RGS11: variants seen among roughly 807,000 people sequenced by gnomAD.
RGS11 encodes the protein regulator of G protein signaling 11, also known as regulator of G-protein signaling 11.
In RGS11, 86 loss-of-function variants were observed where a neutral mutation model predicts 71.1. That is an observed-to-expected ratio of 1.21 (90% CI 1.02 to 1.45). RGS11 has a LOEUF of 1.45. Ranked by LOEUF, RGS11 falls within the 40% of genes most tolerant of loss-of-function variation. The pLI, the probability that RGS11 is intolerant of heterozygous loss-of-function variation, is 0.00. For missense variants in RGS11, 734 were observed against 635.1 expected (o/e 1.16, Z -1.67); for synonymous variants, 298 against 254.2 (o/e 1.17, Z -1.64).
intron 15 of RGS11, among the ~76,000 whole-genome samples, chr16:270,246 T>TCAAAA (rs1253895346): frequency 3.6e-5 from 5 of 140,292 alleles, no homozygotes; most frequent in Admixed American, 1.4e-4. Context: ...GAGACTCGCC[T>TCAAAA]CAAAACAAAA....
intron 9 of RGS11, 56 bp downstream of exon 9, chr16:272,807 A>G: frequency 6.5e-7 from 1 of 1,536,982 alleles, no homozygotes. Flanking sequence ...TGCGTCCAGC[A>G]GGGTGCAGCC....
chr16:270,936 G>A (rs2051903946), intron 13 of RGS11, 48 bp downstream of exon 13: 1 of 1,564,216 alleles, frequency 6.4e-7, no homozygotes, highest in Non-Finnish European at 8.8e-7. Flanking sequence ...GGGGTCCCAG[G>A]CAGCAGCCTC....
chr16:270,891 G>A, intron 13 of RGS11, 60 bp from the exon 14 acceptor site: 1 of 1,583,376 alleles, frequency 6.3e-7, no homozygotes, highest in South Asian at 1.1e-5. Context: ...GGCCGGTGGG[G>A]GGTTCCCAGG....
chr16:271,160 C>A (rs746519575), intron 12 of RGS11, 42 bp downstream of exon 12: 1 of 1,607,202 alleles, frequency 6.2e-7, no homozygotes, highest in Admixed American at 1.7e-5. Flanking sequence ...TCCCCCCAGG[C>A]TGGGAGCACA....
At chr16:274,674 C>G (rs1447405559) in intron 4 of RGS11, 2 of 667,736 alleles carry the variant, frequency 3.0e-6, no homozygotes, top group Non-Finnish European at 5.5e-6. Context: ...CCCTCAGGAC[C>G]TGGGCCTAGG....
chr16:270,653 A>G lies in RGS11; in HGVS notation c.1076T>C (p.Leu359Pro), dbSNP rs2051886785. 1 of 1,610,108 alleles carries G rather than the reference A, an allele frequency of 6.2e-7. No individual in the cohort carries two copies. The highest frequency in any genetic ancestry group is 8.5e-7 in the Non-Finnish European group (1 of 1,178,902). The stretch of plus-strand genomic sequence containing the variant: ...GACCCAGTGGGCAGCTCCGGGGGCC[A>G]GGAACTGCCTAGGGGTGGGGACAGC... The part of the protein sequence containing the change: ...TLVDAVYEQF[L>P]APGAAHWVNI... Residue 359 changes from leucine (L) to proline (P), a missense_variant, in exon 15 of 17, where the codon CTG becomes CCG. Physicochemically the swap from Leu to Pro is moderately conservative, Grantham distance 98 (BLOSUM62 -3). Transcript: ENST00000397770.
At position 268,698 on chromosome 16, in the gene RGS11, G is replaced by A. The variant is rs1427598031; in HGVS notation, c.*571C>T. On this transcript the variant is annotated 3_prime_UTR_variant, in exon 17 of 17. Transcript: ENST00000397770. ...ACAAATTCTGGAACGCGTTTGGCGAGGGAGGAATAGGCGCAGCTCCGGAAG... is the reference window on the plus strand; with the variant it reads ...ACAAATTCTGGAACGCGTTTGGCGAAGGAGGAATAGGCGCAGCTCCGGAAG... The A allele has an allele frequency of 1.2e-5, 17 of 1,454,204 alleles. No individual in the cohort carries two copies. The highest frequency in any genetic ancestry group is 1.5e-5 in the Non-Finnish European group (16 of 1,071,808). The allele number at this position is 1,454,204 out of a possible 1,614,324, so 90.1% of individuals were successfully genotyped here. A position where few individuals can be genotyped will look rare whatever the true frequency, so the allele number is the denominator to read the frequency against.
Position 275,287 on chromosome 16 carries a change from C to A in RGS11, c.207G>T (p.Glu69Asp), listed in dbSNP as rs749480815. 1.2e-6 allele frequency: 2 copies of A among 1,612,532 alleles called. No homozygotes were observed. The highest frequency in any genetic ancestry group is 2.7e-5 in the African/African-American group (2 of 74,946). ...AGTGGGAGGCAGGGCGCTCACCCTCCTCCGAGACGCAGAACTTCTGGGCCA... is the reference window on the plus strand; with the variant it reads ...AGTGGGAGGCAGGGCGCTCACCCTCATCCGAGACGCAGAACTTCTGGGCCA... ...QWLAQKFCVS[E>D]EEALHLGAVL... Residue 69 changes from glutamate (E) to aspartate (D), a missense_variant, in exon 3 of 17, where the codon GAG becomes GAT. Physicochemically the swap from Glu to Asp is conservative, Grantham distance 45 (BLOSUM62 2). Coordinates refer to ENST00000397770, the MANE Select transcript of RGS11 (RefSeq NM_183337.3).
At position 271,416 on chromosome 16, in the gene RGS11, G is replaced by T. The variant is rs768537401; in HGVS notation, c.732C>A (p.Ser244=). Residue 244 remains serine (S), a synonymous_variant, in exon 11 of 17, where the codon TCC becomes TCA. Transcript: ENST00000397770. Reference sequence around the variant, plus strand: ...CCACTCACGCCTCAAGGCAGACGGAGGACTTCACTCGGGTCCTGCCCAGCG... The same window carrying T: ...CCACTCACGCCTCAAGGCAGACGGATGACTTCACTCGGGTCCTGCCCAGCG... The part of the protein sequence containing the change: ...RKALGRTRVK[S]SVCLEAYLSF... The T allele has an allele frequency of 6.2e-7, 1 of 1,613,764 alleles. No individual in the cohort carries two copies. Among genetic ancestry groups the T allele is most frequent in the Non-Finnish European group, 8.5e-7 (1 of 1,180,006 alleles).
chr16:272,179 C>T (rs76588004), intron 9 of RGS11: 17 of 1,154,006 alleles, frequency 1.5e-5, no homozygotes, highest in Middle Eastern at 2.9e-4. Flanking sequence ...TGTTTTTAAA[C>T]AACACATACT....
Position 271,051 on chromosome 16 carries a change from G to A in RGS11, c.912C>T (p.Phe304=). The A allele has an allele frequency of 1.2e-6, 2 of 1,612,520 alleles. No individual in the cohort carries two copies. The highest frequency in any genetic ancestry group is 2.2e-5 in the East Asian group (1 of 44,858). ...CCACGGGGTCCTCCAGGAGCTCCCG[G>A]AAGCTGAAGCCCCATCTCTCCACAC... ...KLRVERWGFS[F]RELLEDPVGR... is the part of the protein sequence containing the mutation. The change falls in exon 13 of 17, where the codon TTC becomes TTT. Residue 304 remains phenylalanine, a synonymous_variant. Transcript: ENST00000397770.
intron 15 of RGS11, 87 bp from the exon 16 acceptor site, chr16:269,672 G>A: frequency 9.4e-7 from 1 of 1,069,100 alleles, no homozygotes; most frequent in Non-Finnish European, 1.4e-6. Flanking sequence ...AACATTGCTG[G>A]AGCCTCCTCC....
Position 275,320 on chromosome 16 carries a change from C to G in RGS11, c.174G>C (p.Val58=), listed in dbSNP as rs1434728402. 1 of 1,612,538 alleles carries G rather than the reference C, an allele frequency of 6.2e-7. No individual in the cohort carries two copies. Among genetic ancestry groups the G allele is most frequent in the African/African-American group, 1.3e-5 (1 of 75,062 alleles). Reference sequence around the variant, plus strand: ...CGCAGAACTTCTGGGCCAACCACTGCACGACGTCGCTGCCTGCACGGGAGA... The same window carrying G: ...CGCAGAACTTCTGGGCCAACCACTGGACGACGTCGCTGCCTGCACGGGAGA... ...IPHAVTGSDV[V]QWLAQKFCVS... is the part of the protein sequence containing the mutation. The change falls in exon 3 of 17, where the codon GTG becomes GTC. Residue 58 remains valine (V), a synonymous_variant. Coordinates refer to ENST00000397770, the MANE Select transcript of RGS11 (RefSeq NM_183337.3).
At position 271,245 on chromosome 16, in the gene RGS11, A is replaced by G; in HGVS notation, c.820T>C (p.Trp274Arg). The G allele has an allele frequency of 6.2e-7, 1 of 1,612,956 alleles. No homozygotes were observed. Among genetic ancestry groups the G allele is most frequent in the Non-Finnish European group, 8.5e-7 (1 of 1,179,980 alleles). Residue 274 changes from tryptophan to arginine, a missense_variant, in exon 12 of 17, where the codon TGG becomes CGG. Trp to Arg is a moderately radical substitution (Grantham distance 101, BLOSUM62 -3). Coordinates refer to ENST00000397770, the MANE Select transcript of RGS11 (RefSeq NM_183337.3). ...CAGTAGGCGTCATTGTCTGAGATCC[A>G]GGGATTGCTGGGCAGGCACCCCGAC... The part of the protein sequence containing the change: ...LVSGCLPSNP[W>R]ISDNDAYWVM...
intron 9 of RGS11, chr16:272,622 C>G (rs562366140): frequency 6.3e-5 from 91 of 1,451,266 alleles, no homozygotes; most frequent in Non-Finnish European, 8.2e-5. Flanking sequence ...CCAGCCCCCT[C>G]GTCCCCACCA....
intron 9 of RGS11, chr16:272,419 T>C (rs1412489940): frequency 7.7e-7 from 1 of 1,299,210 alleles, no homozygotes; most frequent in Admixed American, 2.3e-5. Flanking sequence ...TGGGACTGGT[T>C]TGAACAAAGG....
chr16:274,544 A>G (rs1271010424), intron 4 of RGS11: 3 of 592,520 alleles, frequency 5.1e-6, no homozygotes, highest in Non-Finnish European at 9.1e-6. Flanking sequence ...GGGCCTGCAC[A>G]AGTCTTGGAT....
chr16:269,095 C>A lies in RGS11; in HGVS notation c.*174G>T. ...ACCCATTCCTTCTGGGCAGGGAGGGCTTGCTGGAGGGAGGGAGGCTGTGCA... is the reference window on the plus strand; with the variant it reads ...ACCCATTCCTTCTGGGCAGGGAGGGATTGCTGGAGGGAGGGAGGCTGTGCA... On this transcript the variant is annotated 3_prime_UTR_variant, in exon 17 of 17. Coordinates refer to ENST00000397770, the MANE Select transcript of RGS11 (RefSeq NM_183337.3). 1 of 928,070 alleles carries A rather than the reference C, an allele frequency of 1.1e-6. No individual in the cohort carries two copies. Among genetic ancestry groups the A allele is most frequent in the Non-Finnish European group, 1.7e-6 (1 of 582,170 alleles). The allele number at this position is 928,070 out of a possible 1,614,324, so 57.5% of individuals were successfully genotyped here. A position where few individuals can be genotyped will look rare whatever the true frequency, so the allele number is the denominator to read the frequency against.
At chr16:274,363 G>T in intron 4 of RGS11, 98 bp from the exon 5 acceptor site, 2 of 1,339,400 alleles carry the variant, frequency 1.5e-6, no homozygotes, top group Non-Finnish European at 1.0e-6. Context: ...GCCTGGGCTG[G>T]GCAGGAGGTG....
Sources: gnomAD v4.1 joint callset for allele counts (sites outside exome capture counted in the v4.1 genomes callset) on GRCh38, gnomAD v4.1.1 for gene constraint, MANE v1.5 for transcripts, NCBI Gene and HGNC (gene_info 2026-07-23, HGNC 2026-07-21) for gene names.